SBF2: variants seen among roughly 807,000 people sequenced by gnomAD.
SBF2 encodes SET binding factor 2.
Under a neutral mutation model 225.2 loss-of-function variants are expected in SBF2, and 112 were observed. The observed-to-expected ratio is 0.50, with a 90% CI of 0.43 to 0.58. SBF2 has a LOEUF of 0.58. Ranked by LOEUF, SBF2 falls within the 20% of genes least tolerant of loss-of-function variation. SBF2 has a pLI of 0.00. For synonymous variants in SBF2, 763 were observed against 773.3 expected (o/e 0.99, Z 0.22); for missense variants, 1,996 against 2,206.2 (o/e 0.90, Z 1.91).
At position 10,014,526 on chromosome 11, in the gene SBF2, AAAC is replaced by A. The variant is rs1439390100; in HGVS notation, c.620-11840_620-11838del. Among the ~76,000 whole-genome samples, 437 of 146,372 alleles carry A rather than the reference AAAC, an allele frequency of 3.0e-3. 6 individuals are homozygous for A. Among genetic ancestry groups the A allele is most frequent in the South Asian group, 4.2e-3 (20 of 4,756 alleles). On this transcript the variant is annotated intron_variant, in intron 6 of 39. Transcript: ENST00000256190. ...CAACTAAAAAAAAAAAAAAAAAAAA[AAAC>A]GAAAATGGAGTTCACTATTTGTTTG... is the stretch of plus-strand genomic sequence containing the variant.
intron 16 of SBF2, chr11:9,958,146 T>C (rs1318121731): frequency 6.6e-6 from 1 of 152,182 alleles, no homozygotes; most frequent in Non-Finnish European, 1.5e-5. Flanking sequence ...GCTACGCTTA[T>C]TGAACAGGCA....
At chr11:9,917,891 G>A (rs1350044201) in intron 16 of SBF2, among the ~76,000 whole-genome samples, 2 of 151,260 alleles carry the variant, frequency 1.3e-5, no homozygotes, top group Non-Finnish European at 2.9e-5. Context: ...CCAGGCCTCC[G>A]ACACTCACCC....
intron 16 of SBF2, among the ~76,000 whole-genome samples, chr11:9,945,958 A>G (rs1282641702): frequency 6.6e-6 from 1 of 152,222 alleles, no homozygotes. Flanking sequence ...GTTGTGGAGA[A>G]AAGGGAATGC....
chr11:9,853,882 T>A (rs959396525), intron 19 of SBF2, among the ~76,000 whole-genome samples, 170 bp from the exon 20 acceptor site: 1 of 152,192 alleles, frequency 6.6e-6, no homozygotes, highest in African/African-American at 2.4e-5. Flanking sequence ...TAAAACACAA[T>A]GTTCTACTAG....
chr11:10,180,866 C>A (rs146316542), intron 2 of SBF2, among the ~76,000 whole-genome samples: 109 of 152,208 alleles, frequency 7.2e-4, no homozygotes, highest in Non-Finnish European at 1.4e-3. Flanking sequence ...TTATTGAAAT[C>A]TTTCACTTGG....
At chr11:9,885,159 G>A (rs929674704) in intron 17 of SBF2, among the ~76,000 whole-genome samples, 11 of 144,146 alleles carry the variant, frequency 7.6e-5, no homozygotes, top group African/African-American at 1.8e-4. Context: ...GCTGAGGCAG[G>A]AGAATCACTT....
chr11:9,925,237 C>T (rs1863937810), intron 16 of SBF2, among the ~76,000 whole-genome samples: 1 of 151,894 alleles, frequency 6.6e-6, no homozygotes, highest in African/African-American at 2.4e-5. Flanking sequence ...CCAAACACAT[C>T]TAAAATATGA....
chr11:10,156,817 A>G (rs941334038), intron 2 of SBF2, among the ~76,000 whole-genome samples: 6 of 152,244 alleles, frequency 3.9e-5, no homozygotes, highest in African/African-American at 1.2e-4. Context: ...AGGAACAATC[A>G]ATATTGTTAA....
intron 2 of SBF2, among the ~76,000 whole-genome samples, chr11:10,064,217 C>G (rs1950555211): frequency 6.6e-6 from 1 of 152,070 alleles, no homozygotes; most frequent in African/African-American, 2.4e-5. Flanking sequence ...TGAAAGAGTA[C>G]TCTTGCTGTA....
At chr11:10,026,982 C>T (rs1949079041) in intron 6 of SBF2, among the ~76,000 whole-genome samples, 1 of 152,060 alleles carries the variant, frequency 6.6e-6, no homozygotes, top group Non-Finnish European at 1.5e-5. Context: ...TTGACAAAAA[C>T]TATATATTTA....
Position 9,785,350 on chromosome 11 carries a change from T to G in SBF2, c.5038-32A>C, listed in dbSNP as rs1304171412. 1.9e-6 allele frequency: 3 copies of G among 1,567,204 alleles called. No individual in the cohort carries two copies. In the Admixed American group the frequency reaches 5.2e-5, roughly 27 times the overall value. On this transcript the variant is annotated intron_variant, in intron 36 of 39. Transcript: ENST00000256190. ...AAGACAGGACAGGAGCTAGGAAACCTTTACAGACACTTAAACTACTGACTG... is the reference window on the plus strand; with the variant it reads ...AAGACAGGACAGGAGCTAGGAAACCGTTACAGACACTTAAACTACTGACTG...
intron 1 of SBF2, among the ~76,000 whole-genome samples, chr11:10,196,876 T>TTTTTTTTC (rs71034756): frequency 1.7e-5 from 2 of 119,108 alleles, no homozygotes; most frequent in African/African-American, 6.1e-5. Flanking sequence ...ATTTTTTTTT[T>TTTTTTTTC]CCTACAAAAT....
At chr11:10,081,716 C>T (rs113728407) in intron 2 of SBF2, among the ~76,000 whole-genome samples, 32,002 of 148,616 alleles carry the variant, frequency 0.22, 4,065 homozygotes, top group Non-Finnish European at 0.29. Context: ...GCTGAGATTG[C>T]GCCACTGCAC....
At chr11:10,108,850 A>G (rs1952702559) in intron 2 of SBF2, among the ~76,000 whole-genome samples, 2 of 151,926 alleles carry the variant, frequency 1.3e-5, no homozygotes, top group Admixed American at 1.3e-4. Flanking sequence ...AGGGGACTGT[A>G]TGTACCAGTA....
chr11:10,267,837 T>C (rs555001239), intron 1 of SBF2, among the ~76,000 whole-genome samples: 9 of 152,294 alleles, frequency 5.9e-5, no homozygotes, highest in South Asian at 2.1e-4. Context: ...TTTAGTAATA[T>C]AGTAATTTAC....
chr11:10,124,348 T>C (rs1339580739), intron 2 of SBF2, among the ~76,000 whole-genome samples: 1 of 152,092 alleles, frequency 6.6e-6, no homozygotes, highest in African/African-American at 2.4e-5. Flanking sequence ...CTGATTAGAG[T>C]CTAGACACTG....
Position 9,942,939 on chromosome 11 carries a change from G to GA in SBF2, c.1860+19017dup, listed in dbSNP as rs1219732069. On this transcript the variant is annotated intron_variant, in intron 16 of 39. Coordinates refer to ENST00000256190, the MANE Select transcript of SBF2 (RefSeq NM_030962.4). ...AGAAAGAAAGAAAGAAAGAAAGAAAGAAGGAAGGAACGAAGGAAGGAAAGA... is the reference window on the plus strand; with the variant it reads ...AGAAAGAAAGAAAGAAAGAAAGAAAGAAAGGAAGGAACGAAGGAAGGAAAGA... 8.8e-3 allele frequency among the ~76,000 whole-genome samples: 1,303 copies of GA among 147,748 alleles called. 14 individuals carry two copies. Among genetic ancestry groups the GA allele is most frequent in the Middle Eastern group, 0.017 (5 of 294 alleles).
intron 19 of SBF2, 94 bp from the exon 20 acceptor site, chr11:9,853,806 G>C (rs375686): frequency 2.6e-6 from 3 of 1,174,302 alleles, no homozygotes; most frequent in Non-Finnish European, 3.8e-6. Context: ...AGAAACATGA[G>C]CAAAGTGATG....
intron 3 of SBF2, among the ~76,000 whole-genome samples, chr11:10,031,966 A>G (rs72858835): frequency 6.6e-6 from 1 of 152,040 alleles, no homozygotes; most frequent in Admixed American, 6.6e-5. Flanking sequence ...GTTTCAAACT[A>G]CTGAGCTCAA....
Sources: allele counts gnomAD v4.1 joint callset (sites outside exome capture counted in the v4.1 genomes callset), GRCh38; gene constraint gnomAD v4.1.1; transcripts MANE v1.5; gene names NCBI Gene and HGNC (gene_info 2026-07-23, HGNC 2026-07-21).